Variants in CAST observed in about 807,000 individuals in gnomAD.
CAST encodes the protein calpastatin.
Under a neutral mutation model 119.6 loss-of-function variants are expected in CAST, and 76 were observed. The ratio of observed to expected loss-of-function variants is 0.64; its 90% CI spans 0.53 to 0.77. The LOEUF (loss-of-function observed/expected upper bound fraction) is 0.77. CAST is among the 30% of genes least tolerant of loss of function. The pLI is 0.00. For missense variants in CAST, 953 were observed against 946.5 expected (o/e 1.01, Z -0.09); for synonymous variants, 319 against 331.6 (o/e 0.96, Z 0.41).
chr5:96,185,563 A>T, the CAST span, among the ~76,000 whole-genome samples: 1 of 152,216 alleles, frequency 6.6e-6, no homozygotes, highest in Non-Finnish European at 1.5e-5. Context: ...AATTTTCTGC[A>T]TATGGCTAGC....
chr5:96,703,799 G>A (rs1172713640), intron 3 of CAST, among the ~76,000 whole-genome samples: 1 of 152,186 alleles, frequency 6.6e-6, no homozygotes, highest in African/African-American at 2.4e-5. Flanking sequence ...AAAAACCTCT[G>A]CATTGCAGGG....
the CAST span, among the ~76,000 whole-genome samples, chr5:96,286,929 G>T: frequency 6.6e-6 from 1 of 152,004 alleles, no homozygotes; most frequent in Non-Finnish European, 1.5e-5. Context: ...TTAAATATTT[G>T]CTGAAACATT....
At chr5:96,354,284 G>C in the CAST span, among the ~76,000 whole-genome samples, 2 of 152,066 alleles carry the variant, frequency 1.3e-5, no homozygotes, top group African/African-American at 2.4e-5. Context: ...TAATTTAGAA[G>C]TATTTTTTAA....
chr5:96,365,937 A>G, the CAST span, among the ~76,000 whole-genome samples: 1 of 152,084 alleles, frequency 6.6e-6, no homozygotes, highest in South Asian at 2.1e-4. Context: ...GGTCTTTACA[A>G]TTTGGCATGT....
chr5:96,261,925 T>A, the CAST span, among the ~76,000 whole-genome samples: 1 of 152,342 alleles, frequency 6.6e-6, no homozygotes, highest in Admixed American at 6.5e-5. Flanking sequence ...TATGATCACA[T>A]CTAATCCTCA....
chr5:96,136,658 A>T, the CAST span, among the ~76,000 whole-genome samples: 1 of 152,236 alleles, frequency 6.6e-6, no homozygotes, highest in Admixed American at 6.5e-5. Flanking sequence ...TATTATGCTC[A>T]ATATGAGTTT....
the CAST span, among the ~76,000 whole-genome samples, chr5:96,478,121 C>T: frequency 1.4e-3 from 206 of 152,268 alleles, no homozygotes; most frequent in African/African-American, 4.8e-3. Flanking sequence ...TCTAAAAGCT[C>T]GCAATTTTCA....
intron 3 of CAST, among the ~76,000 whole-genome samples, chr5:96,703,828 C>T (rs571258753): frequency 6.6e-6 from 1 of 152,298 alleles, no homozygotes; most frequent in South Asian, 2.1e-4. Flanking sequence ...CAAGGAGTGG[C>T]ATCTACTGTT....
At chr5:96,418,327 A>C in the CAST span, among the ~76,000 whole-genome samples, 1 of 152,218 alleles carries the variant, frequency 6.6e-6, no homozygotes, top group African/African-American at 2.4e-5. Flanking sequence ...GCATTTAAAC[A>C]AAATGATTTG....
the CAST span, among the ~76,000 whole-genome samples, chr5:96,326,369 C>T: frequency 9.8e-4 from 149 of 152,248 alleles, no homozygotes; most frequent in Non-Finnish European, 1.5e-3. Flanking sequence ...TAAACTTTAG[C>T]GATGTTGAAC....
intron 3 of CAST, among the ~76,000 whole-genome samples, chr5:96,697,139 G>T (rs984208729): frequency 2.8e-4 from 43 of 151,944 alleles, no homozygotes; most frequent in African/African-American, 1.0e-3. Flanking sequence ...CTGCACTCCA[G>T]CCTTGTAACA....
chr5:96,633,067 G>T (rs1345416464), intron 1 of CAST, among the ~76,000 whole-genome samples: 1 of 152,138 alleles, frequency 6.6e-6, no homozygotes, highest in African/African-American at 2.4e-5. Flanking sequence ...TGCCACCTGG[G>T]TTCAAGTGAT....
chr5:96,593,273 C>A (rs1481139382), intron 1 of CAST, among the ~76,000 whole-genome samples: 2 of 152,212 alleles, frequency 1.3e-5, no homozygotes, highest in Non-Finnish European at 2.9e-5. Flanking sequence ...AGCTTCAGCT[C>A]CAGCGTCACC....
At chr5:96,615,589 C>A (rs376471838) in intron 1 of CAST, among the ~76,000 whole-genome samples, 2 of 152,184 alleles carry the variant, frequency 1.3e-5, no homozygotes, top group African/African-American at 4.8e-5. Flanking sequence ...TGCTCCACCA[C>A]GCCAGGCCCC....
At chr5:95,994,922 G>C in the CAST span, among the ~76,000 whole-genome samples, 1 of 152,066 alleles carries the variant, frequency 6.6e-6, no homozygotes, top group African/African-American at 2.4e-5. Context: ...TCACATAAAG[G>C]ACATTAAATA....
the CAST span, among the ~76,000 whole-genome samples, chr5:96,084,315 T>A: frequency 6.6e-6 from 1 of 152,288 alleles, no homozygotes. Flanking sequence ...ATGTTGGGGC[T>A]GGCCAGAGGG....
chr5:96,109,648 T>A, the CAST span, among the ~76,000 whole-genome samples: 5 of 151,942 alleles, frequency 3.3e-5, no homozygotes, highest in Non-Finnish European at 1.5e-5. Context: ...TCAAGAGAGG[T>A]GGGAAGGAAG....
At chr5:96,405,595 G>A in the CAST span, among the ~76,000 whole-genome samples, 599 of 152,232 alleles carry the variant, frequency 3.9e-3, 16 homozygotes, top group Admixed American at 0.029. Flanking sequence ...TTCTTGAACC[G>A]GAGGGGTTGA....
the CAST span, among the ~76,000 whole-genome samples, chr5:96,494,626 C>T: frequency 6.6e-6 from 1 of 152,096 alleles, no homozygotes; most frequent in African/African-American, 2.4e-5. Flanking sequence ...ACTAGAAGAC[C>T]AACTTCAAGG....
Sources: allele counts gnomAD v4.1 joint callset (sites outside exome capture counted in the v4.1 genomes callset), GRCh38; gene constraint gnomAD v4.1.1; transcripts MANE v1.5; gene names NCBI Gene and HGNC (gene_info 2026-07-23, HGNC 2026-07-21).